MGAT4C: variants seen among roughly 807,000 people sequenced by gnomAD.
The protein encoded by MGAT4C is MGAT4 family member C, also known as alpha-1,3-mannosyl-glycoprotein 4-beta-N-acetylglucosaminyltransferase C.
In MGAT4C, 19 loss-of-function variants were observed where a neutral mutation model predicts 40.1. The ratio of observed to expected loss-of-function variants is 0.47; its 90% CI spans 0.33 to 0.70. The LOEUF (loss-of-function observed/expected upper bound fraction) is 0.70, where lower values mean the gene tolerates loss of function less well. MGAT4C is among the 30% of genes least tolerant of loss of function. MGAT4C has a pLI of 0.02. For synonymous variants in MGAT4C, 181 were observed against 187.1 expected (o/e 0.97, Z 0.27); for missense variants, 491 against 563.2 (o/e 0.87, Z 1.30).
At chr12:86,482,537 A>C (rs1197486898) in intron 2 of MGAT4C, among the ~76,000 whole-genome samples, 1 of 152,056 alleles carries the variant, frequency 6.6e-6, no homozygotes, top group Non-Finnish European at 1.5e-5. Context: ...AGTAATTTAC[A>C]TTTTCTACCT....
Position 85,979,375 on chromosome 12 carries a change from A to G in MGAT4C, c.1351T>C (p.Phe451Leu). ...EMSGVNQKIPFDIHCMRIYVT... is the reference protein window; with the variant it reads ...EMSGVNQKIPLDIHCMRIYVT... ...TATATCCTCATACAATGTATATCAA[A>G]TGGAATTTTTTGATTTACACCTGAC... The change falls in exon 5 of 5, where the codon TTT (phenylalanine) becomes CTT (leucine). Residue 451 changes from phenylalanine to leucine, a missense_variant. Transcript: ENST00000611864. 1.2e-6 allele frequency: 2 copies of G among 1,612,726 alleles called. No individual in the cohort carries two copies. Among genetic ancestry groups the G allele is most frequent in the Non-Finnish European group, 1.7e-6 (2 of 1,179,144 alleles).
chr12:86,129,004 T>C (rs839180), intron 1 of MGAT4C, among the ~76,000 whole-genome samples: 86,156 of 151,872 alleles, frequency 0.57, 24,827 homozygotes, highest in South Asian at 0.71. Context: ...TACTTCTAGG[T>C]TCTCTATTAT....
chr12:86,070,208 T>C (rs1894949413), intron 1 of MGAT4C, among the ~76,000 whole-genome samples: 1 of 152,036 alleles, frequency 6.6e-6, no homozygotes. Context: ...ACTATTAAAC[T>C]GCAAATTTCT....
chr12:85,964,507 G>C lies in MGAT4C; in HGVS notation c.*14782C>G, dbSNP rs1883259095. ...CTAGAACCTTATCTTGAAAAATTAT[G>C]ATTTTAAACTTAAGGGAATTCAGGT... On this transcript the variant is annotated 3_prime_UTR_variant, in exon 5 of 5. Transcript: ENST00000611864. 2.0e-5 allele frequency: 3 copies of C among 152,006 alleles called. No individual in the cohort carries two copies. Among genetic ancestry groups the C allele is most frequent in the Admixed American group, 6.6e-5 (1 of 15,254 alleles). The allele number at this position is 152,006 out of a possible 1,614,324, so 9.4% of individuals were successfully genotyped here. A position where few individuals can be genotyped will look rare whatever the true frequency, so the allele number is the denominator to read the frequency against.
At chr12:86,206,871 C>T (rs1950278116) in intron 1 of MGAT4C, among the ~76,000 whole-genome samples, 1 of 152,246 alleles carries the variant, frequency 6.6e-6, no homozygotes, top group East Asian at 1.9e-4. Flanking sequence ...GAAGAATAAA[C>T]AAGACGATCA....
intron 3 of MGAT4C, among the ~76,000 whole-genome samples, chr12:86,394,889 T>C (rs1307323278): frequency 6.6e-6 from 1 of 151,878 alleles, no homozygotes; most frequent in Non-Finnish European, 1.5e-5. Context: ...GTGCTGGGAA[T>C]ACAGGTGTGA....
chr12:86,174,859 T>C (rs967022314), intron 1 of MGAT4C, among the ~76,000 whole-genome samples: 2 of 152,168 alleles, frequency 1.3e-5, no homozygotes, highest in Non-Finnish European at 2.9e-5. Flanking sequence ...GAACTCACAT[T>C]AGTTCAGTGA....
rs78209913 is a variant in MGAT4C at position 86,453,821 on chromosome 12, T to C, written c.-228-18556A>G. On this transcript the variant is annotated intron_variant, in intron 2 of 7. Coordinates refer to the MGAT4C transcript ENST00000548651. ...TTGCTTACTAGATTCTTGCAAGAAC[T>C]TTATCTATAACTGTAAGGACTGTGG... Among the ~76,000 whole-genome samples the C allele has an allele frequency of 6.7e-3, 1,015 of 152,186 alleles. 11 individuals are homozygous for C. The highest frequency in any genetic ancestry group is 0.023 in the African/African-American group (968 of 41,514).
intron 4 of MGAT4C, among the ~76,000 whole-genome samples, chr12:86,280,887 T>C (rs1416754048): frequency 2.0e-5 from 3 of 152,116 alleles, no homozygotes; most frequent in Non-Finnish European, 4.4e-5. Flanking sequence ...TTATGTTTAG[T>C]ATGTGCTCTT....
chr12:86,216,524 T>C (rs1950678958), intron 1 of MGAT4C, among the ~76,000 whole-genome samples: 1 of 152,240 alleles, frequency 6.6e-6, no homozygotes, highest in African/African-American at 2.4e-5. Flanking sequence ...CCTTGGCACA[T>C]AACTAACATT....
At chr12:86,268,662 T>G (rs1022446249) in intron 4 of MGAT4C, among the ~76,000 whole-genome samples, 2 of 59,496 alleles carry the variant, frequency 3.4e-5, no homozygotes, top group African/African-American at 6.9e-5. Flanking sequence ...GGATATTAAC[T>G]ACATATATAT....
chr12:86,408,103 C>G (rs1189248186), intron 3 of MGAT4C, among the ~76,000 whole-genome samples: 1 of 151,886 alleles, frequency 6.6e-6, no homozygotes, highest in African/African-American at 2.4e-5. Flanking sequence ...CACATACACG[C>G]ACACACACAC....
In MGAT4C at chr12:86,475,090, A is replaced by G. The variant is rs577422206; in HGVS notation, c.-228-39825T>C. 2.0e-5 allele frequency among the ~76,000 whole-genome samples: 3 copies of G among 152,170 alleles called. No individual in the cohort carries two copies. The South Asian group carries it at 6.2e-4, about 32-fold the overall frequency. ...TAGTATAGCTTGAAAATTAAGGACT[A>G]AAGTCAGAATGCTCTTTTTCAGCTC... On this transcript the variant is annotated intron_variant, in intron 2 of 7. Transcript: ENST00000548651.
At chr12:86,622,687 TTAA>T (rs1243584168) in intron 2 of MGAT4C, among the ~76,000 whole-genome samples, 2 of 152,120 alleles carry the variant, frequency 1.3e-5, no homozygotes, top group Non-Finnish European at 2.9e-5. Flanking sequence ...CTCAAGAATA[TTAA>T]TGAGAATACA....
chr12:86,024,012 A>T (rs989045880), intron 2 of MGAT4C, among the ~76,000 whole-genome samples: 2 of 143,424 alleles, frequency 1.4e-5, no homozygotes, highest in African/African-American at 4.9e-5. Flanking sequence ...TAAAACTTTA[A>T]CTATGAAAAA....
intron 1 of MGAT4C, among the ~76,000 whole-genome samples, chr12:86,774,315 C>CTTTCTTTCTTTCTTTCTTTCTTTTTCTT (rs1555227763): frequency 1.7e-5 from 1 of 59,328 alleles, no homozygotes; most frequent in Admixed American, 1.9e-4. Context: ...TTCTTTCTTT[C>CTTTCTTTCTTTCTTTCTTTCTTTTTCTT]TTTCTTTCTT....
intron 2 of MGAT4C, among the ~76,000 whole-genome samples, chr12:86,719,464 C>T (rs1032352553): frequency 6.6e-6 from 1 of 152,112 alleles, no homozygotes; most frequent in Non-Finnish European, 1.5e-5. Context: ...CAATTCCATT[C>T]AAAATAGGTA....
chr12:86,414,013 C>G (rs550489868), intron 3 of MGAT4C, among the ~76,000 whole-genome samples: 2 of 151,670 alleles, frequency 1.3e-5, no homozygotes, highest in Non-Finnish European at 2.9e-5. Flanking sequence ...TTTTGACTGC[C>G]TAGAACAAGA....
At chr12:86,821,059 G>A (rs1952696969) in intron 1 of MGAT4C, among the ~76,000 whole-genome samples, 1 of 151,028 alleles carries the variant, frequency 6.6e-6, no homozygotes, top group African/African-American at 2.4e-5. Context: ...CTTTGGCAAA[G>A]CATAACTGAA....
Sources: allele counts gnomAD v4.1 joint callset (sites outside exome capture counted in the v4.1 genomes callset), GRCh38; gene constraint gnomAD v4.1.1; transcripts MANE v1.5; gene names NCBI Gene and HGNC (gene_info 2026-07-23, HGNC 2026-07-21).